The following NRCAM variants were observed in gnomAD, a reference collection of about 807,000 sequenced individuals.
NRCAM encodes NgCAM-related cell adhesion molecule.
A neutral mutation model predicts 156.5 loss-of-function variants in NRCAM; 83 were observed. The ratio of observed to expected loss-of-function variants is 0.53; its 90% confidence interval spans 0.44 to 0.64. NRCAM has a LOEUF of 0.64. Among genes scored for constraint, NRCAM ranks in the 30% least tolerant of loss-of-function variants. The pLI, the probability that NRCAM is intolerant of heterozygous loss-of-function variation, is 0.00. For synonymous variants in NRCAM, 538 were observed against 563.9 expected, an observed-to-expected ratio of 0.95 and a Z score of 0.65; for missense variants, 1,417 against 1,597.3, an observed-to-expected ratio of 0.89 and a Z score of 1.92.
At chr7:108,454,425 T>G (rs1447802462) in intron 1 of NRCAM, among the ~76,000 whole-genome samples, 1 of 152,230 alleles carries the variant, frequency 6.6e-6, no homozygotes, top group African/African-American at 2.4e-5. Context: ...GGAAAGTTAC[T>G]TGGTTTCTCT....
chr7:108,177,662 T>A, intron 26 of NRCAM, among the ~76,000 whole-genome samples: 2 of 18,284 alleles, frequency 1.1e-4, no homozygotes, highest in East Asian at 0.019. Context: ...TATATATATG[T>A]ATATACGTGT....
intron 8 of NRCAM, 22 bp from the exon 9 acceptor site, chr7:108,226,400 T>C (rs1158084157): frequency 2.5e-6 from 4 of 1,587,308 alleles, no homozygotes; most frequent in East Asian, 4.5e-5. Flanking sequence ...CAGAGAGATA[T>C]CAAGATTATT....
intron 6 of NRCAM, among the ~76,000 whole-genome samples, 153 bp downstream of exon 6, chr7:108,234,430 A>T (rs2094683569): frequency 6.6e-6 from 1 of 152,192 alleles, no homozygotes. Flanking sequence ...CCAAAGGGCA[A>T]TCTAGTGAGT....
At position 108,345,641 on chromosome 7, in the gene NRCAM, G is replaced by A. The variant is rs567867817; in HGVS notation, c.-173-32910C>T. Among the ~76,000 whole-genome samples, 9 of 152,272 alleles carry A rather than the reference G, an allele frequency of 5.9e-5. No individual in the cohort carries two copies. In the South Asian group the frequency reaches 1.5e-3, roughly 25 times the overall value. On this transcript the variant is annotated intron_variant, in intron 2 of 32. Coordinates refer to ENST00000379028, the MANE Select transcript of NRCAM (RefSeq NM_001037132.4). Reference sequence around the variant, plus strand: ...CCATATAAGAAAAGACATGACAGAGGTGAGCTCTCCACCATATGAGGATAC... The same window carrying A: ...CCATATAAGAAAAGACATGACAGAGATGAGCTCTCCACCATATGAGGATAC...
intron 1 of NRCAM, among the ~76,000 whole-genome samples, chr7:108,423,803 G>A (rs1813457723): frequency 6.6e-6 from 1 of 152,186 alleles, no homozygotes; most frequent in Non-Finnish European, 1.5e-5. Context: ...TGCTTGCTGT[G>A]GCAGGGCTAG....
intron 3 of NRCAM, among the ~76,000 whole-genome samples, chr7:108,273,126 T>A (rs2097434812): frequency 6.6e-6 from 1 of 152,224 alleles, no homozygotes; most frequent in Non-Finnish European, 1.5e-5. Flanking sequence ...ATGTGCCATA[T>A]TTTCTTTATC....
At chr7:108,243,479 A>G (rs990509049) in intron 3 of NRCAM, among the ~76,000 whole-genome samples, 1 of 152,214 alleles carries the variant, frequency 6.6e-6, no homozygotes, top group African/African-American at 2.4e-5. Flanking sequence ...TTTACCTTGG[A>G]AAATGATGGT....
At chr7:108,428,365 T>C (rs1477289265) in intron 1 of NRCAM, among the ~76,000 whole-genome samples, 2 of 152,220 alleles carry the variant, frequency 1.3e-5, no homozygotes. Flanking sequence ...TTGGCATTTT[T>C]GCCCTGTTTT....
intron 3 of NRCAM, among the ~76,000 whole-genome samples, chr7:108,304,910 A>C (rs993905191): frequency 6.6e-6 from 1 of 152,216 alleles, no homozygotes; most frequent in Non-Finnish European, 1.5e-5. Context: ...AGAATCAAGA[A>C]GTCTATTATA....
chr7:108,213,010 C>A (rs1037885031), intron 11 of NRCAM, among the ~76,000 whole-genome samples: 3 of 152,080 alleles, frequency 2.0e-5, no homozygotes, highest in Non-Finnish European at 4.4e-5. Context: ...ATGAGGTAAC[C>A]TATAAAGGAA....
At chr7:108,365,312 A>C (rs2099585322) in intron 2 of NRCAM, among the ~76,000 whole-genome samples, 2 of 152,156 alleles carry the variant, frequency 1.3e-5, no homozygotes, top group African/African-American at 4.8e-5. Flanking sequence ...ATGTATTATA[A>C]TGATTATATC....
intron 1 of NRCAM, among the ~76,000 whole-genome samples, chr7:108,407,601 G>C (rs1002500025): frequency 2.6e-5 from 4 of 152,160 alleles, no homozygotes; most frequent in Admixed American, 6.6e-5. Flanking sequence ...ACCATTTGCT[G>C]TAGATCTGTA....
intron 2 of NRCAM, among the ~76,000 whole-genome samples, chr7:108,378,067 A>G (rs2099683804): frequency 6.6e-6 from 1 of 152,224 alleles, no homozygotes; most frequent in African/African-American, 2.4e-5. Flanking sequence ...GTCCCAACAA[A>G]TATAATTTCA....
At chr7:108,424,201 C>G (rs62467878) in intron 1 of NRCAM, among the ~76,000 whole-genome samples, 2 of 152,208 alleles carry the variant, frequency 1.3e-5, no homozygotes, top group South Asian at 4.1e-4. Flanking sequence ...TAGAGCTTAT[C>G]AGGTTTCCTA....
chr7:108,439,854 A>G (rs1563817621), intron 1 of NRCAM, among the ~76,000 whole-genome samples: 1 of 150,348 alleles, frequency 6.7e-6, no homozygotes, highest in Non-Finnish European at 1.5e-5. Flanking sequence ...AAAAAAAAAA[A>G]GGACAGGCAA....
intron 3 of NRCAM, among the ~76,000 whole-genome samples, chr7:108,303,879 G>A (rs2098673281): frequency 6.6e-6 from 1 of 152,036 alleles, no homozygotes; most frequent in Non-Finnish European, 1.5e-5. Context: ...ACACAATACA[G>A]ATACATAATA....
intron 1 of NRCAM, among the ~76,000 whole-genome samples, chr7:108,404,495 A>G (rs2099801933): frequency 6.6e-6 from 1 of 152,218 alleles, no homozygotes; most frequent in Non-Finnish European, 1.5e-5. Context: ...AGTAAGTTTC[A>G]ATAAGGAACT....
intron 30 of NRCAM, among the ~76,000 whole-genome samples, chr7:108,164,502 T>G (rs382751): frequency 6.7e-6 from 1 of 149,812 alleles, no homozygotes; most frequent in African/African-American, 2.5e-5. Flanking sequence ...AATTAGCCAA[T>G]GATAGGCTTT....
Position 108,344,545 on chromosome 7 carries a change from A to C in NRCAM, c.-173-31814T>G, listed in dbSNP as rs549310558. ...AATGAAAAACTGGTTAACACGTCTA[A>C]TATTTCCATAACTCATTTTTTGCTG... On this transcript the variant is annotated intron_variant, in intron 2 of 32. Transcript: ENST00000379028. Among the ~76,000 whole-genome samples the C allele has an allele frequency of 2.1e-3, 325 of 152,274 alleles. 16 individuals carry two copies. The South Asian group carries it at 0.064, about 30-fold the overall frequency.
Sources: gnomAD v4.1 joint callset for allele counts (sites outside exome capture counted in the v4.1 genomes callset) on GRCh38, gnomAD v4.1.1 for gene constraint, MANE v1.5 for transcripts, NCBI Gene and HGNC (gene_info 2026-07-23, HGNC 2026-07-21) for gene names.